ENKUR: variants seen among roughly 807,000 people sequenced by gnomAD.
ENKUR encodes enkurin.
Under a neutral mutation model 27.6 loss-of-function variants are expected in ENKUR, and 19 were observed. That is an observed-to-expected ratio of 0.69 (90% confidence interval 0.48 to 1.01). The LOEUF is 1.01. Among genes scored for constraint, ENKUR ranks in the 50% least tolerant of loss-of-function variants. ENKUR has a pLI of 0.00. For synonymous variants in ENKUR, 117 were observed against 96.9 expected, an observed-to-expected ratio of 1.21 and a Z score of -1.22; for missense variants, 312 against 310.5, an observed-to-expected ratio of 1.00 and a Z score of -0.04.
At chr10:25,026,731 C>G (rs1277317155) in intron 2 of ENKUR, 1 of 153,690 alleles carries the variant, frequency 6.5e-6, no homozygotes, top group Non-Finnish European at 1.5e-5. Context: ...TGATAACATT[C>G]AGTTTCATTT....
chr10:25,011,615 G>A (rs4748993), intron 1 of ENKUR, among the ~76,000 whole-genome samples: 68,886 of 151,966 alleles, frequency 0.45, 16,819 homozygotes, highest in African/African-American at 0.65. Flanking sequence ...CGTTAGACCT[G>A]CAACCATAAA....
In ENKUR at chr10:25,027,367, A is replaced by C. The variant is rs928625416; in HGVS notation, c.38-31498T>G. Among the ~76,000 whole-genome samples the C allele has an allele frequency of 9.2e-5, 13 of 140,558 alleles. 2 individuals carry two copies. The highest frequency in any genetic ancestry group is 2.2e-4 in the Admixed American group (3 of 13,786). The allele number at this position is 140,558 out of a possible 152,430, so 92.2% of individuals were successfully genotyped here. On this transcript the variant is annotated intron_variant, in intron 2 of 5. Coordinates refer to the ENKUR transcript ENST00000615958. ...GCAAGACTCCCGTCTCAAAAAAAAA[A>C]AAAAAAAAAAAAAAAAAAAACTAGC...
intron 2 of ENKUR, among the ~76,000 whole-genome samples, chr10:25,048,481 A>G (rs1564357268): frequency 6.6e-6 from 1 of 152,022 alleles, no homozygotes; most frequent in Non-Finnish European, 1.5e-5. Flanking sequence ...ATTCTGAGTT[A>G]TAAAGGGACG....
intron 2 of ENKUR, among the ~76,000 whole-genome samples, chr10:25,029,835 T>G (rs1055158736): frequency 2.6e-5 from 4 of 152,214 alleles, no homozygotes; most frequent in African/African-American, 9.6e-5. Flanking sequence ...TGCAAGCAAC[T>G]AAATCACCAT....
At chr10:25,039,238 A>G (rs1851037092) in intron 2 of ENKUR, among the ~76,000 whole-genome samples, 1 of 152,178 alleles carries the variant, frequency 6.6e-6, no homozygotes, top group South Asian at 2.1e-4. Flanking sequence ...TGAATACCTC[A>G]ATTCAGTCTT....
At chr10:25,011,915 GA>G (rs1241068383) in intron 1 of ENKUR, among the ~76,000 whole-genome samples, 1 of 152,224 alleles carries the variant, frequency 6.6e-6, no homozygotes, top group Non-Finnish European at 1.5e-5. Context: ...GAGCCTGTCA[GA>G]GGTCTCCACA....
At chr10:24,990,841 C>T (rs1198168082) in intron 3 of ENKUR, among the ~76,000 whole-genome samples, 1 of 152,032 alleles carries the variant, frequency 6.6e-6, no homozygotes, top group African/African-American at 2.4e-5. Flanking sequence ...CACCTGTAAT[C>T]CCAGCACTTT....
chr10:24,999,213 C>A (rs958700601), intron 2 of ENKUR, among the ~76,000 whole-genome samples, 188 bp downstream of exon 2: 4 of 152,164 alleles, frequency 2.6e-5, no homozygotes, highest in Admixed American at 6.5e-5. Flanking sequence ...ATTCTGGGGG[C>A]AATTTATCAC....
chr10:24,996,467 T>C (rs929944643), intron 2 of ENKUR, among the ~76,000 whole-genome samples: 1 of 152,044 alleles, frequency 6.6e-6, no homozygotes, highest in Non-Finnish European at 1.5e-5. Context: ...TATATATATA[T>C]ATATGAACAG....
intron 2 of ENKUR, among the ~76,000 whole-genome samples, chr10:25,022,332 G>A (rs1416193115): frequency 6.6e-6 from 1 of 152,146 alleles, no homozygotes. Context: ...TGGCCCTGGG[G>A]TCTGGAAATT....
intron 1 of ENKUR, among the ~76,000 whole-genome samples, chr10:25,002,758 A>T (rs1850217677): frequency 6.6e-6 from 1 of 152,198 alleles, no homozygotes; most frequent in Non-Finnish European, 1.5e-5. Context: ...GCCTTGCCTC[A>T]ATCCTGAACT....
chr10:25,061,154 G>A (rs528238695), exon 2 of ENKUR: 132 of 1,536,060 alleles, frequency 8.6e-5, no homozygotes, highest in Middle Eastern at 3.3e-4. Flanking sequence ...TTCATGCTCC[G>A]TGGTGAACAA....
rs1850556958 is a variant in ENKUR, at chr10:25,015,859, C to T, written c.77+1G>A. ...GTGATAGTCTTTGCTTATCCACATACCTAGGAGGCTGGGGAGGCTCCTTCA... is the reference window on the plus strand; with the variant it reads ...GTGATAGTCTTTGCTTATCCACATATCTAGGAGGCTGGGGAGGCTCCTTCA... On this transcript the variant is annotated splice_donor_variant, in intron 1 of 5. Coordinates refer to ENST00000331161, the MANE Select transcript of ENKUR (RefSeq NM_145010.4). LOFTEE classifies it high-confidence loss of function. The T allele has an allele frequency of 1.2e-6, 2 of 1,603,324 alleles. No individual in the cohort carries two copies. Among genetic ancestry groups the T allele is most frequent in the Non-Finnish European group, 1.7e-6 (2 of 1,174,754 alleles).
chr10:24,993,663 AT>A (rs1182585116), intron 3 of ENKUR, among the ~76,000 whole-genome samples: 3 of 152,244 alleles, frequency 2.0e-5, no homozygotes, highest in East Asian at 3.8e-4. Flanking sequence ...GGAAAAGTAA[AT>A]TGAGTAAGTC....
At chr10:24,991,499 C>T (rs868356994) in intron 3 of ENKUR, among the ~76,000 whole-genome samples, 2 of 151,768 alleles carry the variant, frequency 1.3e-5, no homozygotes, top group African/African-American at 4.8e-5. Context: ...TTGACAGGGG[C>T]GTGCCAACAA....
At chr10:25,059,970 G>T (rs1375595893) in intron 2 of ENKUR, among the ~76,000 whole-genome samples, 2 of 152,200 alleles carry the variant, frequency 1.3e-5, no homozygotes, top group African/African-American at 4.8e-5. Context: ...CCTTGTGTGC[G>T]TTCTGTGGGG....
intron 2 of ENKUR, among the ~76,000 whole-genome samples, chr10:25,050,948 G>A (rs1203885445): frequency 6.6e-6 from 1 of 152,202 alleles, no homozygotes; most frequent in African/African-American, 2.4e-5. Flanking sequence ...CTGATGAAAT[G>A]TGGTATAAAA....
chr10:24,996,011 C>T (rs1290360522), intron 2 of ENKUR, 142 bp from the exon 3 acceptor site: 2 of 648,050 alleles, frequency 3.1e-6, no homozygotes, highest in Non-Finnish European at 2.4e-6. Context: ...GAAGTTTATG[C>T]TTACCCCCAA....
intron 2 of ENKUR, among the ~76,000 whole-genome samples, chr10:25,037,390 A>C (rs1373272874): frequency 6.6e-6 from 1 of 152,214 alleles, no homozygotes; most frequent in African/African-American, 2.4e-5. Flanking sequence ...GTGACAAATT[A>C]GATGAGAAAG....
Sources: allele counts gnomAD v4.1 joint callset (sites outside exome capture counted in the v4.1 genomes callset), GRCh38; gene constraint gnomAD v4.1.1; transcripts MANE v1.5; gene names NCBI Gene and HGNC (gene_info 2026-07-23, HGNC 2026-07-21).